Variants in ANKZF1 observed in about 807,000 individuals in gnomAD.
ANKZF1 encodes tRNA endonuclease ANKZF1.
ANKZF1 carries 84 observed loss-of-function variants against 86.0 expected under a neutral mutation model. The ratio of observed to expected loss-of-function variants is 0.98; its 90% CI spans 0.82 to 1.17. The LOEUF is 1.17. Ranked by LOEUF, ANKZF1 falls within the 50% of genes most tolerant of loss-of-function variation. The probability of loss-of-function intolerance (pLI) is 0.00; values close to 1 mark genes in which losing one functional copy is unlikely to be tolerated. For synonymous variants in ANKZF1, 331 were observed against 354.2 expected (o/e 0.93, Z 0.74); for missense variants, 893 against 918.4 (o/e 0.97, Z 0.36).
chr2:219,234,213 A>G lies in ANKZF1; in HGVS notation c.1129A>G (p.Thr377Ala), dbSNP rs1951135444. ...AGTAAGAGAGGAGAGAAAGAAGCCT[A>G]CTGAGGAAGAAATAAGAAAGATCTG... ...KTVREERKKP[T>A]EEEIRKICRD... The change falls in exon 9 of 14, where the codon ACT becomes GCT. Residue 377 changes from threonine (T) to alanine (A), a missense_variant. By Grantham distance (58) the Thr-to-Ala change is moderately conservative (BLOSUM62 0). Transcript: ENST00000323348. 2 of 1,614,128 alleles carry G rather than the reference A, an allele frequency of 1.2e-6. No individual in the cohort carries two copies. The highest frequency in any genetic ancestry group is 1.3e-5 in the African/African-American group (1 of 75,064).
rs1253965936 is a variant in ANKZF1, at chr2:219,234,235, T to C, written c.1151T>C (p.Ile384Thr). ...KKPTEEEIRK[I>T]CRDEKEALGQ... ...CCTACTGAGGAAGAAATAAGAAAGATCTGCAGGGATGAAAAGGAAGCGCTG... is the reference window on the plus strand; with the variant it reads ...CCTACTGAGGAAGAAATAAGAAAGACCTGCAGGGATGAAAAGGAAGCGCTG... The change falls in exon 9 of 14, where the codon ATC becomes ACC. Residue 384 changes from isoleucine (I) to threonine (T), a missense_variant. Ile to Thr is a moderately conservative substitution (Grantham distance 89). Coordinates refer to ENST00000323348, the MANE Select transcript of ANKZF1 (RefSeq NM_018089.3). 1.2e-6 allele frequency: 2 copies of C among 1,613,982 alleles called. No homozygotes were observed. Among genetic ancestry groups the C allele is most frequent in the Non-Finnish European group, 1.7e-6 (2 of 1,180,024 alleles).
At position 219,236,575 on chromosome 2, in the gene ANKZF1, G is replaced by C; in HGVS notation, c.*130G>C. 2 of 1,250,146 alleles carry C rather than the reference G, an allele frequency of 1.6e-6. No individual in the cohort carries two copies. Among genetic ancestry groups the C allele is most frequent in the Non-Finnish European group, 2.2e-6 (2 of 912,486 alleles). The allele number at this position is 1,250,146 out of a possible 1,614,324, so 77.4% of individuals were successfully genotyped here. On this transcript the variant is annotated 3_prime_UTR_variant, in exon 14 of 14. Transcript: ENST00000323348. ...GGGGGTGAAGGACACTCGGGAACTA[G>C]GGCAAAGACAGGGCTAGAGGTATGT...
Position 219,235,791 on chromosome 2 carries a change from GGA to G in ANKZF1, c.1888_1889del (p.Glu630ThrfsTer12). 4 of 1,614,238 alleles carry G rather than the reference GGA, an allele frequency of 2.5e-6. No individual in the cohort carries two copies. In the East Asian group the frequency reaches 6.7e-5, roughly 27 times the overall value. ...AGAAGGCAGCCCGGCGGCAACGGGA[GGA>G]ACAGCAGCAGAGGCAGCAGGAGCAG... ...EQKAARRQREEQQQRQQEQEE... is the reference protein window; with the variant it reads ...EQKAARRQREXQQQRQQEQEE... On this transcript the variant is annotated frameshift_variant, in exon 12 of 14. Transcript: ENST00000323348. LOFTEE classifies it high-confidence loss of function.
intron 2 of ANKZF1, 72 bp downstream of exon 2, chr2:219,230,477 CTTATT>C: frequency 6.7e-7 from 1 of 1,503,498 alleles, no homozygotes; most frequent in Non-Finnish European, 8.9e-7. Context: ...GGAACACATT[CTTATT>C]GGTATTCCCG....
In ANKZF1 at chr2:219,235,960, G is replaced by A. The variant is rs375281390; in HGVS notation, c.1972-50G>A. ...AGCGTGCAGCTGTCACCTCTTGGGTGCCCTACTCGCCACTGGGGCCTTGTC... is the reference window on the plus strand; with the variant it reads ...AGCGTGCAGCTGTCACCTCTTGGGTACCCTACTCGCCACTGGGGCCTTGTC... On this transcript the variant is annotated intron_variant, in intron 12 of 13. Coordinates refer to ENST00000323348, the MANE Select transcript of ANKZF1 (RefSeq NM_018089.3). 5 of 1,613,920 alleles carry A rather than the reference G, an allele frequency of 3.1e-6. No individual in the cohort carries two copies. In the African/African-American group the frequency reaches 6.7e-5, roughly 22 times the overall value.
At chr2:219,234,332 T>C (rs1255088374) in intron 9 of ANKZF1, 44 bp downstream of exon 9, 2 of 1,613,330 alleles carry the variant, frequency 1.2e-6, no homozygotes, top group Non-Finnish European at 1.7e-6. Flanking sequence ...GTTTCTGTCC[T>C]AAAAATGCAC....
rs566525961 is a variant in ANKZF1, at chr2:219,236,414, A to C, written c.2150A>C (p.His717Pro). 1 of 1,611,826 alleles carries C rather than the reference A, an allele frequency of 6.2e-7. No individual in the cohort carries two copies. The highest frequency in any genetic ancestry group is 1.1e-5 in the South Asian group (1 of 90,828). Residue 717 changes from histidine to proline, a missense_variant, in exon 14 of 14, where the codon CAT becomes CCT. Transcript: ENST00000323348. ...TGCTCCACACGTTGCCTCCAGGATC[A>C]TCGCCGTCAGGCAGGGAGGCCCTCT... ...SFCSTRCLQD[H>P]RRQAGRPSS
In ANKZF1 at chr2:219,233,188, AAGGGTGAG is replaced by A. The variant is rs758639996; in HGVS notation, c.671+4_671+11del. 10 of 1,614,160 alleles carry A rather than the reference AAGGGTGAG, an allele frequency of 6.2e-6. No individual in the cohort carries two copies. In the South Asian group the frequency reaches 1.1e-4, roughly 18 times the overall value. ...GGGCACTTTGCTGGTGCTATATTTC[AAGGGTGAG>A]AGGGTGCTGCATGGGGGTAAGGATG... On this transcript the variant is annotated splice_donor_variant and splice_donor_5th_base_variant and coding_sequence_variant and intron_variant, in exon 6 of 14. Coordinates refer to ENST00000323348, the MANE Select transcript of ANKZF1 (RefSeq NM_018089.3). LOFTEE classifies it high-confidence loss of function.
rs1262866447 is a variant in ANKZF1 at position 219,235,762 on chromosome 2, G to A, written c.1858G>A (p.Glu620Lys). ...GGCACGGCAGGCTACACGGAAAAGG[G>A]AGCAGAAGGCAGCCCGGCGGCAACG... ...MEARQATRKR[E>K]QKAARRQREE... The change falls in exon 12 of 14, where the codon GAG becomes AAG. Residue 620 changes from glutamate to lysine, a missense_variant. Transcript: ENST00000323348. 2 of 1,614,082 alleles carry A rather than the reference G, an allele frequency of 1.2e-6. No homozygotes were observed. Among genetic ancestry groups the A allele is most frequent in the East Asian group, 4.5e-5 (2 of 44,900 alleles).
Position 219,233,934 on chromosome 2 carries a change from C to A in ANKZF1, c.1039C>A (p.His347Asn). Reference sequence around the variant, plus strand: ...TGTGCTCCATAAGCTGACCACTTTGCATGTCTATGGTGAGCCTTTGCTCCA... The same window carrying A: ...TGTGCTCCATAAGCTGACCACTTTGAATGTCTATGGTGAGCCTTTGCTCCA... ...QRVLHKLTTLHVYEEDPREAV... is the reference protein window; with the variant it reads ...QRVLHKLTTLNVYEEDPREAV... The change falls in exon 8 of 14, where the codon CAT becomes AAT. Residue 347 changes from histidine to asparagine, a missense_variant. Transcript: ENST00000323348. The A allele has an allele frequency of 6.3e-7, 1 of 1,576,144 alleles. No homozygotes were observed.
chr2:219,234,774 C>T, intron 9 of ANKZF1, 52 bp from the exon 10 acceptor site: 1 of 1,541,610 alleles, frequency 6.5e-7, no homozygotes, highest in Non-Finnish European at 8.7e-7. Context: ...GCATCTGCTT[C>T]TACCCTCTGA....
chr2:219,235,291 C>T lies in ANKZF1; in HGVS notation c.1670C>T (p.Ala557Val), dbSNP rs765880938. The change falls in exon 10 of 14, where the codon GCA becomes GTA. Residue 557 changes from alanine (A) to valine (V), a missense_variant. Coordinates refer to ENST00000323348, the MANE Select transcript of ANKZF1 (RefSeq NM_018089.3). The part of the protein sequence containing the change: ...RGSVVRLLLE[A>V]GADPTVQDSR... Reference sequence around the variant, plus strand: ...TCAGTGGTTCGTCTGCTGCTGGAAGCAGGTGCTGACCCCACTGTGCAGTGA... The same window carrying T: ...TCAGTGGTTCGTCTGCTGCTGGAAGTAGGTGCTGACCCCACTGTGCAGTGA... 7 of 1,610,968 alleles carry T rather than the reference C, an allele frequency of 4.3e-6. No homozygotes were observed. The highest frequency in any genetic ancestry group is 5.1e-6 in the Non-Finnish European group (6 of 1,179,746).
rs1190447123 is a variant in ANKZF1 at position 219,232,554 on chromosome 2, A to C, written c.429A>C (p.Thr143=). ...SDSASEEDLQ[T]LDRERATFEK... is the part of the protein sequence containing the mutation. Reference sequence around the variant, plus strand: ...CAGCCAGTGAGGAGGACTTGCAGACACTGGATCGGGAGAGGGCTACATTTG... The same window carrying C: ...CAGCCAGTGAGGAGGACTTGCAGACCCTGGATCGGGAGAGGGCTACATTTG... The change falls in exon 5 of 14, where the codon ACA becomes ACC. Residue 143 remains threonine, a synonymous_variant. Transcript: ENST00000323348. 1.2e-6 allele frequency: 2 copies of C among 1,614,116 alleles called. No individual in the cohort carries two copies. Among genetic ancestry groups the C allele is most frequent in the Admixed American group, 3.3e-5 (2 of 60,006 alleles).
In ANKZF1 at chr2:219,233,792, C is replaced by A. The variant is rs1951119240; in HGVS notation, c.897C>A (p.Pro299=). The A allele has an allele frequency of 6.2e-7, 1 of 1,614,122 alleles. No individual in the cohort carries two copies. The highest frequency in any genetic ancestry group is 1.3e-5 in the African/African-American group (1 of 75,080). ...CTGGTACAATACTGTTGCGTGCTCC[C>A]CGCTCTGGCCGGTCTTTGTTCTTTG... ...EEAGTILLRA[P]RSGRSLFFGG... The change falls in exon 8 of 14, where the codon CCC becomes CCA. Residue 299 remains proline (P), a synonymous_variant. Coordinates refer to ENST00000323348, the MANE Select transcript of ANKZF1 (RefSeq NM_018089.3).
At position 219,229,896 on chromosome 2, in the gene ANKZF1, G is replaced by C. The variant is rs1285319008; in HGVS notation, c.-35G>C. ...TTGCGAGCCGCTCAGCTCCCGGGAC[G>C]TTTGGTGCGTCTTCTAAGGGCGTGG... On this transcript the variant is annotated 5_prime_UTR_variant, in exon 1 of 14. Transcript: ENST00000323348. This position sits in a 1 kb window ranked among gnomAD's most constrained non-coding sequence, Gnocchi z 4.2. The C allele has an allele frequency of 5.1e-6, 1 of 197,658 alleles. No homozygotes were observed. The highest frequency in any genetic ancestry group is 1.0e-5 in the Non-Finnish European group (1 of 95,816). The allele number at this position is 197,658 out of a possible 1,614,324, so 12.2% of individuals were successfully genotyped here.
At position 219,235,178 on chromosome 2, in the gene ANKZF1, A is replaced by T; in HGVS notation, c.1557A>T (p.Ala519=). ...AGCTGCAGCTAGCTCCCAGCCCTGCAGACCCTAGAGTTCTGTCTCTGCTCA... is the reference window on the plus strand; with the variant it reads ...AGCTGCAGCTAGCTCCCAGCCCTGCTGACCCTAGAGTTCTGTCTCTGCTCA... ...VLKLQLAPSP[A]DPRVLSLLSA... is the part of the protein sequence containing the mutation. Residue 519 remains alanine (A), a synonymous_variant, in exon 10 of 14, where the codon GCA becomes GCT. Transcript: ENST00000323348. 6.2e-7 allele frequency: 1 copy of T among 1,614,170 alleles called. No individual in the cohort carries two copies.
chr2:219,235,591 C>G lies in ANKZF1; in HGVS notation c.1803+6C>G, dbSNP rs1182880307. On this transcript the variant is annotated splice_donor_region_variant and intron_variant, in intron 11 of 13. Transcript: ENST00000323348. ...ACGATTACAACAAGGCTCAGGTCAT[C>G]TGGAATAGGAAGGACAAGCAGAGTG... 1.9e-5 allele frequency: 31 copies of G among 1,613,918 alleles called. No individual in the cohort carries two copies. Among genetic ancestry groups the G allele is most frequent in the Non-Finnish European group, 2.5e-5 (29 of 1,179,938 alleles).
At chr2:219,234,796 A>G (rs1198958426) in intron 9 of ANKZF1, 30 bp from the exon 10 acceptor site, 9 of 1,588,278 alleles carry the variant, frequency 5.7e-6, no homozygotes, top group Non-Finnish European at 7.7e-6. Context: ...TACTCCCTAG[A>G]TGGATTTCAC....
chr2:219,231,572 T>G, intron 2 of ANKZF1: 1 of 230,566 alleles, frequency 4.3e-6, no homozygotes, highest in Non-Finnish European at 8.7e-6. Flanking sequence ...TTTTTTGTAT[T>G]TTTAGTAGAG....
Sources: gnomAD v4.1 joint callset for allele counts on GRCh38, gnomAD v4.1.1 for gene constraint, Gnocchi (gnomAD v3.1) non-coding constraint, MANE v1.5 for transcripts, NCBI Gene and HGNC (gene_info 2026-07-23, HGNC 2026-07-21) for gene names.